SCEL: variants seen among roughly 807,000 people sequenced by gnomAD.
SCEL encodes sciellin.
SCEL carries 113 observed loss-of-function variants against 117.6 expected under a neutral mutation model. The observed-to-expected ratio is 0.96, with a 90% CI of 0.83 to 1.12. The LOEUF is 1.12. Ranked by LOEUF, SCEL falls within the 50% of genes most tolerant of loss-of-function variation. SCEL has a pLI of 0.00. For synonymous variants in SCEL, 270 were observed against 256.2 expected, an observed-to-expected ratio of 1.05 and a Z score of -0.51; for missense variants, 785 against 810.8, an observed-to-expected ratio of 0.97 and a Z score of 0.39.
intron 9 of SCEL, among the ~76,000 whole-genome samples, chr13:77,582,745 A>G (rs1386690258): frequency 6.6e-6 from 1 of 152,126 alleles, no homozygotes; most frequent in African/African-American, 2.4e-5. Flanking sequence ...CAATTTATCA[A>G]GCTTTGTTAA....
intron 24 of SCEL, among the ~76,000 whole-genome samples, 153 bp downstream of exon 24, chr13:77,614,108 A>G (rs1338320734): frequency 6.6e-6 from 1 of 152,180 alleles, no homozygotes; most frequent in African/African-American, 2.4e-5. Flanking sequence ...TGTTAATTGC[A>G]AGAAAGAGAG....
At chr13:77,622,381 C>A (rs1197633992) in intron 27 of SCEL, among the ~76,000 whole-genome samples, 1 of 152,200 alleles carries the variant, frequency 6.6e-6, no homozygotes. Flanking sequence ...TAGTAAGAGA[C>A]ATAATTCCTG....
chr13:77,593,295 T>TGTGTGTGTGTGTGTGCGC (rs796907419), intron 11 of SCEL, among the ~76,000 whole-genome samples: 21 of 136,882 alleles, frequency 1.5e-4, no homozygotes, highest in East Asian at 4.2e-4. Context: ...TGTGTGTGTG[T>TGTGTGTGTGTGTGTGCGC]GTCTGTGTGT....
At chr13:77,558,900 G>C (rs2084817989) in intron 3 of SCEL, among the ~76,000 whole-genome samples, 2 of 151,694 alleles carry the variant, frequency 1.3e-5, no homozygotes, top group Admixed American at 6.6e-5. Flanking sequence ...GGTATTTCAG[G>C]TTTTGTTGGG....
chr13:77,559,701 C>A, intron 3 of SCEL, 103 bp from the exon 4 acceptor site: 5 of 899,956 alleles, frequency 5.6e-6, no homozygotes, highest in Non-Finnish European at 8.9e-6. Context: ...AATGAATTAA[C>A]CTTGCCAAAA....
intron 31 of SCEL, among the ~76,000 whole-genome samples, chr13:77,642,198 G>A (rs1437471566): frequency 6.6e-6 from 1 of 151,768 alleles, no homozygotes; most frequent in East Asian, 1.9e-4. Context: ...GCAATACAGA[G>A]CCACATGAAC....
chr13:77,582,536 T>G (rs1175350385), intron 9 of SCEL, among the ~76,000 whole-genome samples: 4 of 152,232 alleles, frequency 2.6e-5, no homozygotes, highest in Non-Finnish European at 5.9e-5. Flanking sequence ...CCAAGTATCT[T>G]AAATCATTTG....
chr13:77,627,974 A>T lies in SCEL; in HGVS notation c.1656A>T (p.Glu552Asp), dbSNP rs762346793. The T allele has an allele frequency of 6.7e-7, 1 of 1,502,956 alleles. No homozygotes were observed. The highest frequency in any genetic ancestry group is 1.3e-5 in the South Asian group (1 of 76,254). The allele number at this position is 1,502,956 out of a possible 1,614,324, so 93.1% of individuals were successfully genotyped here. A position where few individuals can be genotyped will look rare whatever the true frequency, so the allele number is the denominator to read the frequency against. ...ACCAGAACCTGGAAAATTTAATTGA[A>T]GTAAATTCTCATGTGTCTGAAAACA... ...NRDQNLENLI[E>D]VNSHVSENKN... The change falls in exon 28 of 33, where the codon GAA becomes GAT. Residue 552 changes from glutamate (E) to aspartate (D), a missense_variant. Physicochemically the swap from Glu to Asp is conservative, Grantham distance 45. Coordinates refer to ENST00000349847, the MANE Select transcript of SCEL (RefSeq NM_144777.3).
chr13:77,602,336 A>C (rs907956210), intron 16 of SCEL: 8 of 510,230 alleles, frequency 1.6e-5, no homozygotes, highest in Non-Finnish European at 2.4e-5. Context: ...AAAACCTGCT[A>C]CATAATCTCT....
intron 30 of SCEL, among the ~76,000 whole-genome samples, chr13:77,638,394 G>A (rs1397673116): frequency 6.6e-6 from 1 of 152,014 alleles, no homozygotes; most frequent in East Asian, 1.9e-4. Flanking sequence ...ACAGATCTAG[G>A]TTTTCACAAT....
intron 1 of SCEL, among the ~76,000 whole-genome samples, chr13:77,552,974 G>A (rs543028710): frequency 1.1e-4 from 17 of 152,104 alleles, no homozygotes; most frequent in African/African-American, 3.4e-4. Context: ...GAATCCTTTC[G>A]CCATTGCTTG....
At chr13:77,620,918 C>T (rs1424169621) in intron 27 of SCEL, among the ~76,000 whole-genome samples, 1 of 152,138 alleles carries the variant, frequency 6.6e-6, no homozygotes, top group Non-Finnish European at 1.5e-5. Context: ...TCCTTCCTAA[C>T]TATCTATTGC....
chr13:77,550,677 T>C (rs891154941), intron 1 of SCEL, among the ~76,000 whole-genome samples: 1 of 152,168 alleles, frequency 6.6e-6, no homozygotes, highest in African/African-American at 2.4e-5. Context: ...TTCATCCACA[T>C]TGTAAGATGA....
Position 77,641,186 on chromosome 13 carries a change from C to A in SCEL, c.1947+402C>A, listed in dbSNP as rs1008962876. Among the ~76,000 whole-genome samples, 5 of 152,124 alleles carry A rather than the reference C, an allele frequency of 3.3e-5. No homozygotes were observed. The East Asian group carries it at 9.6e-4, about 29-fold the overall frequency. ...AGTTTCTTACCTCATGAAATTAGGACCAATGGGTTTAACAATAGGTGAACG... is the reference window on the plus strand; with the variant it reads ...AGTTTCTTACCTCATGAAATTAGGAACAATGGGTTTAACAATAGGTGAACG... On this transcript the variant is annotated intron_variant, in intron 31 of 32. Coordinates refer to ENST00000349847, the MANE Select transcript of SCEL (RefSeq NM_144777.3).
rs1411924954 is a variant in SCEL, at chr13:77,640,762, G to A, written c.1925G>A (p.Cys642Tyr). ...ATGATTTTAGATGAATTACAAATTT[G>A]CTGCCATTCTACTTGCTTTAAGGTA... is the stretch of plus-strand genomic sequence containing the variant. ...TKMILDELQI[C>Y]CHSTCFKCEI... Residue 642 changes from cysteine to tyrosine, a missense_variant, in exon 31 of 33, where the codon TGC (cysteine) becomes TAC (tyrosine). Physicochemically the swap from Cys to Tyr is radical, Grantham distance 194 (BLOSUM62 -2). Coordinates refer to ENST00000349847, the MANE Select transcript of SCEL (RefSeq NM_144777.3). The A allele has an allele frequency of 1.3e-6, 2 of 1,592,972 alleles. No homozygotes were observed. Among genetic ancestry groups the A allele is most frequent in the Admixed American group, 1.7e-5 (1 of 59,138 alleles).
intron 5 of SCEL, among the ~76,000 whole-genome samples, chr13:77,567,022 G>T (rs1012859415): frequency 1.3e-5 from 2 of 151,994 alleles, no homozygotes; most frequent in Non-Finnish European, 2.9e-5. Context: ...TAAAAAAAAA[G>T]CCAAGTAGTT....
chr13:77,551,775 T>A (rs1268205671), intron 1 of SCEL, among the ~76,000 whole-genome samples: 2 of 151,922 alleles, frequency 1.3e-5, no homozygotes, highest in African/African-American at 4.8e-5. Flanking sequence ...ACATGTGCCA[T>A]GCTGGTGTGC....
At chr13:77,555,805 C>A in intron 1 of SCEL, 52 bp from the exon 2 acceptor site, 1 of 1,165,410 alleles carries the variant, frequency 8.6e-7, no homozygotes, top group South Asian at 1.2e-5. Flanking sequence ...CAGTCACTTA[C>A]AGGTTCTCAG....
chr13:77,551,085 G>A (rs1050068358), intron 1 of SCEL, among the ~76,000 whole-genome samples: 4 of 152,218 alleles, frequency 2.6e-5, no homozygotes, highest in African/African-American at 4.8e-5. Context: ...CATTAGTGCT[G>A]TTTGCTGAGG....
Sources: gnomAD v4.1 joint callset for allele counts (sites outside exome capture counted in the v4.1 genomes callset) on GRCh38, gnomAD v4.1.1 for gene constraint, MANE v1.5 for transcripts, NCBI Gene and HGNC (gene_info 2026-07-23, HGNC 2026-07-21) for gene names.